RPP30: variants seen among roughly 807,000 people sequenced by gnomAD.
The protein encoded by RPP30 is ribonuclease P/MRP subunit p30, also known as ribonuclease P protein subunit p30.
A neutral mutation model predicts 38.6 loss-of-function variants in RPP30; 36 were observed. That is an observed-to-expected ratio of 0.93 (90% CI 0.71 to 1.23). RPP30 has a LOEUF of 1.23. Ranked by LOEUF, RPP30 falls within the 50% of genes most tolerant of loss-of-function variation. The pLI is 0.00. For missense variants in RPP30, 321 were observed against 321.7 expected (o/e 1.00, Z 0.02); for synonymous variants, 126 against 112.7 (o/e 1.12, Z -0.75).
At position 90,880,712 on chromosome 10, in the gene RPP30, T is replaced by C. The variant is rs185116714; in HGVS notation, c.342+1578T>C. Among the ~76,000 whole-genome samples, 70 of 152,078 alleles carry C rather than the reference T, an allele frequency of 4.6e-4. 3 individuals carry two copies. In the South Asian group the frequency reaches 0.015, roughly 32 times the overall value. On this transcript the variant is annotated intron_variant, in intron 5 of 10. Coordinates refer to ENST00000371703, the MANE Select transcript of RPP30 (RefSeq NM_006413.5). Reference sequence around the variant, plus strand: ...TCCAGCCTGGGCAACAGAGTAAGACTGTGTCTCAAAAAAATTTTTTTTAAA... The same window carrying C: ...TCCAGCCTGGGCAACAGAGTAAGACCGTGTCTCAAAAAAATTTTTTTTAAA...
intron 1 of RPP30, among the ~76,000 whole-genome samples, chr10:90,872,955 C>T (rs1564709392): frequency 6.6e-6 from 1 of 152,118 alleles, no homozygotes; most frequent in East Asian, 1.9e-4. Context: ...AGCACGAAGA[C>T]GAAAGTAGAC....
chr10:90,895,261 T>G, intron 7 of RPP30, 193 bp from the exon 8 acceptor site: 1 of 494,190 alleles, frequency 2.0e-6, no homozygotes, highest in African/African-American at 2.0e-5. Flanking sequence ...ACATATTTTG[T>G]TTTTTATTAC....
At chr10:90,889,551 G>A (rs1847047654) in intron 6 of RPP30, among the ~76,000 whole-genome samples, 1 of 151,896 alleles carries the variant, frequency 6.6e-6, no homozygotes, top group African/African-American at 2.4e-5. Flanking sequence ...GACCTCAAGT[G>A]ATCCACCCGC....
chr10:90,885,956 G>T, intron 6 of RPP30, 55 bp downstream of exon 6: 1 of 1,123,808 alleles, frequency 8.9e-7, no homozygotes, highest in Non-Finnish European at 1.3e-6. Context: ...TTAGCAAATT[G>T]GAAAAGAAGC....
downstream of RPP30, among the ~76,000 whole-genome samples, chr10:90,904,365 A>G (rs370412615): frequency 8.5e-5 from 13 of 152,314 alleles, no homozygotes; most frequent in African/African-American, 3.1e-4. Context: ...TTAAAGCCCT[A>G]CTTGCTAGTA....
At chr10:90,902,468 C>T (rs1847215288), downstream of RPP30, 1 of 190,282 alleles carries the variant, frequency 5.3e-6, no homozygotes, top group Admixed American at 6.0e-5. Context: ...AGTCTGTCCG[C>T]CTCAGCATCC....
chr10:90,906,861 A>G (rs1847258884), downstream of RPP30, among the ~76,000 whole-genome samples: 1 of 152,228 alleles, frequency 6.6e-6, no homozygotes, highest in Admixed American at 6.5e-5. Flanking sequence ...AGCAAACACA[A>G]AATGAAAGAT....
At chr10:90,881,961 T>G (rs1846934830) in intron 5 of RPP30, among the ~76,000 whole-genome samples, 15 of 152,312 alleles carry the variant, frequency 9.8e-5, no homozygotes, top group African/African-American at 3.6e-4. Context: ...AATATACCAT[T>G]ATATTTTCTA....
At chr10:90,890,830 A>G (rs1847072849) in intron 6 of RPP30, among the ~76,000 whole-genome samples, 1 of 148,116 alleles carries the variant, frequency 6.8e-6, no homozygotes, top group Admixed American at 6.8e-5. Context: ...AAAAAAAAAG[A>G]TGAACAATAC....
At chr10:90,884,303 G>A (rs1214613725) in intron 5 of RPP30, among the ~76,000 whole-genome samples, 1 of 152,188 alleles carries the variant, frequency 6.6e-6, no homozygotes, top group South Asian at 2.1e-4. Context: ...TTGTTGGTGT[G>A]TGCATTTAAA....
At chr10:90,903,144 T>A (rs369668196), downstream of RPP30, 43 of 1,022,648 alleles carry the variant, frequency 4.2e-5, no homozygotes, top group Middle Eastern at 5.0e-4. Flanking sequence ...GTAAAAACTC[T>A]GCACTTGGAT....
At chr10:90,896,710 C>T (rs1169804293) in intron 10 of RPP30, among the ~76,000 whole-genome samples, 1 of 152,158 alleles carries the variant, frequency 6.6e-6, no homozygotes, top group African/African-American at 2.4e-5. Context: ...GCCATGCTTT[C>T]CCTGTTGAAA....
chr10:90,905,677 T>C (rs1847246877), downstream of RPP30: 1 of 152,178 alleles, frequency 6.6e-6, no homozygotes, highest in South Asian at 2.1e-4. Flanking sequence ...TTCCTAGTCA[T>C]TTAGGGGGAA....
At chr10:90,886,661 A>G (rs1847003910) in intron 6 of RPP30, among the ~76,000 whole-genome samples, 1 of 152,166 alleles carries the variant, frequency 6.6e-6, no homozygotes, top group Non-Finnish European at 1.5e-5. Flanking sequence ...TTCAGATGCT[A>G]TTTTAGAGTA....
intron 9 of RPP30, 43 bp downstream of exon 9, chr10:90,895,960 G>GA: frequency 6.7e-7 from 1 of 1,497,362 alleles, no homozygotes; most frequent in Non-Finnish European, 9.2e-7. Context: ...TGTCTTTCAG[G>GA]AAATTTTGAA....
Position 90,872,016 on chromosome 10 carries a change from A to C in RPP30, c.30A>C (p.Arg10=), listed in dbSNP as rs768191681. 3.7e-6 allele frequency: 6 copies of C among 1,614,028 alleles called. No individual in the cohort carries two copies. The African/African-American group carries it at 8.0e-5, about 22-fold the overall frequency. The stretch of plus-strand genomic sequence containing the variant: ...CGGTGTTTGCAGATTTGGACCTGCG[A>C]GCGGGTTCTGACCTGAAGGCTCTGC... MAVFADLDL[R]AGSDLKALRG... The change falls in exon 1 of 11, where the codon CGA becomes CGC. Residue 10 remains arginine (R), a synonymous_variant. Coordinates refer to ENST00000371703, the MANE Select transcript of RPP30 (RefSeq NM_006413.5).
chr10:90,872,264 T>G (rs1374995717), intron 1 of RPP30, 196 bp downstream of exon 1: 2 of 595,760 alleles, frequency 3.4e-6, no homozygotes, highest in African/African-American at 3.7e-5. Flanking sequence ...GGTTGTTATC[T>G]GGTTCAGCTA....
intron 10 of RPP30, among the ~76,000 whole-genome samples, chr10:90,898,059 T>C (rs556490891): frequency 3.3e-5 from 5 of 152,272 alleles, no homozygotes; most frequent in Non-Finnish European, 1.5e-5. Flanking sequence ...ATTAACCATC[T>C]TCACCTCCCT....
In RPP30 at chr10:90,885,887, C is replaced by T. The variant is rs1459168167; in HGVS notation, c.418C>T (p.Pro140Ser). Residue 140 changes from proline (P) to serine (S), a missense_variant, in exon 6 of 11, where the codon CCT becomes TCT. Pro to Ser is a moderately conservative substitution (Grantham distance 74, BLOSUM62 -1). Transcript: ENST00000371703. ...TEKLPFYFKR[P>S]PINVAIDRGL... ...GAAACTACCATTTTACTTCAAAAGA[C>T]CTCCTATTAATGTGGTAAGTGTACT... 1.9e-6 allele frequency: 3 copies of T among 1,597,542 alleles called. No individual in the cohort carries two copies. The highest frequency in any genetic ancestry group is 1.1e-5 in the South Asian group (1 of 90,318).
Sources: allele counts gnomAD v4.1 joint callset (sites outside exome capture counted in the v4.1 genomes callset), GRCh38; gene constraint gnomAD v4.1.1; transcripts MANE v1.5; gene names NCBI Gene and HGNC (gene_info 2026-07-23, HGNC 2026-07-21).